PAH: variants seen among roughly 807,000 people sequenced by gnomAD.
PAH encodes the protein phenylalanine hydroxylase.
PAH carries 64 observed loss-of-function variants against 62.0 expected under a neutral mutation model. The ratio of observed to expected loss-of-function variants is 1.03; its 90% CI spans 0.84 to 1.27. The LOEUF (loss-of-function observed/expected upper bound fraction) is 1.27, where lower values mean the gene tolerates loss of function less well. PAH is among the 50% of genes most tolerant of loss of function. The pLI, the probability that PAH is intolerant of heterozygous loss-of-function variation, is 0.00. For missense variants in PAH, 579 were observed against 542.8 expected (o/e 1.07, Z -0.66); for synonymous variants, 195 against 196.2 (o/e 0.99, Z 0.05).
intron 11 of PAH, among the ~76,000 whole-genome samples, chr12:102,842,270 G>A (rs759882371): frequency 3.9e-5 from 6 of 152,254 alleles, no homozygotes; most frequent in Admixed American, 2.6e-4. Context: ...AGAGGGGGAT[G>A]ATGCTGGAAG....
chr12:102,853,730 A>C (rs1159428949), intron 6 of PAH, among the ~76,000 whole-genome samples: 3 of 152,166 alleles, frequency 2.0e-5, no homozygotes, highest in African/African-American at 7.2e-5. Flanking sequence ...TTTGTTGCAA[A>C]CTTTGGAGGA....
chr12:102,926,478 A>G (rs979862668), intron 1 of PAH, among the ~76,000 whole-genome samples: 3 of 152,026 alleles, frequency 2.0e-5, no homozygotes, highest in African/African-American at 7.2e-5. Flanking sequence ...AGTAGGCACG[A>G]CAAATTCATG....
rs2136635839 is a variant in PAH at position 102,843,749 on chromosome 12, G to A, written c.1096C>T (p.Pro366Ser). The change falls in exon 11 of 13, where the codon CCC becomes TCC. Residue 366 changes from proline to serine, a missense_variant. Transcript: ENST00000553106. ...ATGGCTGTCTTCTCCAGCTCCAGGG[G>A]GAGAAGCTTTGGCTTCTCTGATAAG... ...YCLSEKPKLL[P>S]LELEKTAIQN... 6.2e-6 allele frequency: 10 copies of A among 1,613,598 alleles called. No individual in the cohort carries two copies. Among genetic ancestry groups the A allele is most frequent in the African/African-American group, 1.3e-5 (1 of 74,964 alleles).
chr12:102,932,777 G>A (rs1014983439), intron 1 of PAH, among the ~76,000 whole-genome samples: 2 of 152,036 alleles, frequency 1.3e-5, no homozygotes, highest in African/African-American at 4.8e-5. Context: ...AAGAATAATG[G>A]GAGGCTACTG....
intron 1 of PAH, chr12:102,913,850 A>G (rs1177638490): frequency 1.0e-5 from 7 of 701,938 alleles, no homozygotes; most frequent in African/African-American, 1.7e-5. Flanking sequence ...CTGACATTCC[A>G]GAGTTTGCTA....
chr12:102,923,971 C>A (rs754333853), intron 1 of PAH, among the ~76,000 whole-genome samples: 1 of 152,176 alleles, frequency 6.6e-6, no homozygotes, highest in African/African-American at 2.4e-5. Context: ...AAGAAGTTAT[C>A]CAGTTTCTTG....
chr12:102,936,133 C>A (rs1191536758), intron 1 of PAH, among the ~76,000 whole-genome samples: 1 of 151,944 alleles, frequency 6.6e-6, no homozygotes, highest in Non-Finnish European at 1.5e-5. Context: ...TTAATTTATT[C>A]ATTGACCCAC....
intron 4 of PAH, among the ~76,000 whole-genome samples, chr12:102,876,313 T>A (rs1876561740): frequency 6.6e-6 from 1 of 152,188 alleles, no homozygotes; most frequent in African/African-American, 2.4e-5. Flanking sequence ...CTTTGGCCTC[T>A]GTAAAAGAGC....
At chr12:102,945,860 CAGA>C (rs1284221699) in intron 1 of PAH, 1 of 152,214 alleles carries the variant, frequency 6.6e-6, no homozygotes, top group East Asian at 1.9e-4. Flanking sequence ...GTTTCTCAAG[CAGA>C]AGGAGTCTCT....
At chr12:102,839,617 C>T (rs1017695404) in intron 12 of PAH, among the ~76,000 whole-genome samples, 1 of 152,222 alleles carries the variant, frequency 6.6e-6, no homozygotes, top group Non-Finnish European at 1.5e-5. Context: ...CAAAAGTTAT[C>T]ACAAATTTGG....
chr12:102,914,626 CT>C (rs1223264096), intron 1 of PAH: 1 of 152,246 alleles, frequency 6.6e-6, no homozygotes, highest in East Asian at 1.9e-4. Context: ...CTAAAGAATA[CT>C]GAGCCTTCTT....
intron 1 of PAH, chr12:102,916,725 G>A (rs1395465529): frequency 1.4e-5 from 5 of 348,288 alleles, no homozygotes; most frequent in South Asian, 2.7e-5. Flanking sequence ...AGATCATTAG[G>A]GACCAGCCCC....
chr12:102,890,943 C>T (rs1877252341), intron 3 of PAH, among the ~76,000 whole-genome samples: 1 of 151,928 alleles, frequency 6.6e-6, no homozygotes, highest in African/African-American at 2.4e-5. Flanking sequence ...ATTAGCCGGG[C>T]GTGGTGTCAT....
At chr12:102,898,714 G>A (rs548070545) in intron 2 of PAH, among the ~76,000 whole-genome samples, 4 of 152,200 alleles carry the variant, frequency 2.6e-5, no homozygotes, top group Admixed American at 6.5e-5. Context: ...GTGCTTGGCC[G>A]CAAGTAGCTA....
chr12:102,922,218 G>A (rs1213311326), upstream of PAH, among the ~76,000 whole-genome samples: 1 of 117,852 alleles, frequency 8.5e-6, no homozygotes. Flanking sequence ...TTTTTGAGAT[G>A]AAGTCTCGCT....
chr12:102,872,926 C>T (rs1389452007), intron 4 of PAH, among the ~76,000 whole-genome samples: 2 of 152,148 alleles, frequency 1.3e-5, no homozygotes, highest in Non-Finnish European at 2.9e-5. Flanking sequence ...TGAGATTGCA[C>T]CATTGTACTC....
At chr12:102,897,393 A>G (rs1194620293) in intron 2 of PAH, among the ~76,000 whole-genome samples, 3 of 150,934 alleles carry the variant, frequency 2.0e-5, no homozygotes, top group Non-Finnish European at 4.4e-5. Flanking sequence ...TTCTTATTAT[A>G]GAGATTTTTT....
rs62516094 is a variant in PAH, at chr12:102,844,345, AC to A, written c.1055del (p.Gly352ValfsTer48). 1.4e-5 allele frequency: 22 copies of A among 1,610,384 alleles called. No homozygotes were observed. Among genetic ancestry groups the A allele is most frequent in the Non-Finnish European group, 1.4e-5 (17 of 1,176,744 alleles). ...CCTGTGAAGGTCATACCTGTAATTC[AC>A]CAAAGGATGACAGGAGCCCAGCACC... ...AYGAGLLSSF[G>X]ELQYCLSEKP... On this transcript the variant is annotated frameshift_variant, in exon 10 of 13. Coordinates refer to ENST00000553106, the MANE Select transcript of PAH (RefSeq NM_000277.3). LOFTEE classifies it high-confidence loss of function.
Position 102,917,110 on chromosome 12 carries a change from T to C in PAH, c.21A>G (p.Glu7=), listed in dbSNP as rs2136734114. The change falls in exon 1 of 13, where the codon GAA becomes GAG. Residue 7 remains glutamate (E), a synonymous_variant. Transcript: ENST00000553106. MSTAVL[E]NPGLGRKLSD... ...AGAGTTTCCTGCCCAAGCCTGGGTT[T>C]TCCAGGACCGCAGTGGACATGCTGG... 6.2e-7 allele frequency: 1 copy of C among 1,614,198 alleles called. No homozygotes were observed. Among genetic ancestry groups the C allele is most frequent in the Non-Finnish European group, 8.5e-7 (1 of 1,180,030 alleles).
Sources: allele counts gnomAD v4.1 joint callset (sites outside exome capture counted in the v4.1 genomes callset), GRCh38; gene constraint gnomAD v4.1.1; transcripts MANE v1.5; gene names NCBI Gene and HGNC (gene_info 2026-07-23, HGNC 2026-07-21).